DOCK3: variants seen among roughly 807,000 people sequenced by gnomAD.
The protein encoded by DOCK3 is dedicator of cytokinesis protein 3.
Under a neutral mutation model 265.6 loss-of-function variants are expected in DOCK3, and 60 were observed. That is an observed-to-expected ratio of 0.23 (90% CI 0.18 to 0.28). DOCK3 has a LOEUF of 0.28. Among genes scored for constraint, DOCK3 ranks in the 10% least tolerant of loss-of-function variants. DOCK3 has a pLI of 1.00. For missense variants in DOCK3, 1,981 were observed against 2,594.3 expected, an observed-to-expected ratio of 0.76 and a Z score of 5.14; for synonymous variants, 881 against 938.0, an observed-to-expected ratio of 0.94 and a Z score of 1.11.
At chr3:51,022,948 A>G (rs1035968816) in intron 5 of DOCK3, among the ~76,000 whole-genome samples, 1 of 152,024 alleles carries the variant, frequency 6.6e-6, no homozygotes, top group Non-Finnish European at 1.5e-5. Context: ...TACTTTCTCC[A>G]TTGTTTATTT....
intron 22 of DOCK3, among the ~76,000 whole-genome samples, chr3:51,253,461 C>G (rs1189201693): frequency 6.6e-6 from 1 of 152,150 alleles, no homozygotes; most frequent in Non-Finnish European, 1.5e-5. Flanking sequence ...CTTTATACCT[C>G]TGGTAGAATT....
chr3:51,178,773 A>C (rs1308134453), intron 12 of DOCK3, among the ~76,000 whole-genome samples: 1 of 152,262 alleles, frequency 6.6e-6, no homozygotes, highest in Non-Finnish European at 1.5e-5. Flanking sequence ...TAAAAAGCAA[A>C]GACAAAAGTA....
chr3:51,014,384 T>G (rs930049075), intron 5 of DOCK3, among the ~76,000 whole-genome samples: 2 of 152,074 alleles, frequency 1.3e-5, no homozygotes, highest in Admixed American at 1.3e-4. Context: ...CTCTCTTACA[T>G]TCTCCACCTC....
intron 2 of DOCK3, among the ~76,000 whole-genome samples, chr3:50,804,421 C>T (rs1018241325): frequency 5.3e-5 from 8 of 152,084 alleles, no homozygotes; most frequent in Non-Finnish European, 8.8e-5. Context: ...GAGCCGAGAT[C>T]ACGTCACTGC....
intron 9 of DOCK3, among the ~76,000 whole-genome samples, chr3:51,138,844 A>G (rs149495372): frequency 4.9e-4 from 74 of 152,356 alleles, no homozygotes; most frequent in African/African-American, 1.7e-3. Flanking sequence ...ATACTCATGT[A>G]TCTGTGAAGG....
At chr3:50,677,444 G>A (rs2034056053) in intron 1 of DOCK3, among the ~76,000 whole-genome samples, 1 of 152,098 alleles carries the variant, frequency 6.6e-6, no homozygotes, top group Non-Finnish European at 1.5e-5. Flanking sequence ...CGGCATTTTT[G>A]CTGCATCATT....
chr3:50,999,801 A>G (rs1350523524), intron 5 of DOCK3, among the ~76,000 whole-genome samples: 1 of 152,130 alleles, frequency 6.6e-6, no homozygotes, highest in African/African-American at 2.4e-5. Flanking sequence ...TTTTCAAACT[A>G]TTTTTGCAAA....
At chr3:51,358,131 C>G in intron 46 of DOCK3, 54 bp downstream of exon 46, 3 of 1,570,758 alleles carry the variant, frequency 1.9e-6, no homozygotes, top group East Asian at 2.2e-5. Flanking sequence ...GTCACTTCCT[C>G]CAGACCTACG....
At chr3:50,953,230 G>C (rs955666558) in intron 5 of DOCK3, among the ~76,000 whole-genome samples, 1 of 152,118 alleles carries the variant, frequency 6.6e-6, no homozygotes, top group Non-Finnish European at 1.5e-5. Context: ...TAAAAATTCA[G>C]ATTTCTTCCT....
intron 1 of DOCK3, among the ~76,000 whole-genome samples, chr3:50,763,879 G>A (rs763070637): frequency 5.3e-5 from 8 of 151,990 alleles, no homozygotes; most frequent in Non-Finnish European, 1.0e-4. Context: ...ATTGACTATG[G>A]ATATTGGTCT....
At chr3:50,767,081 T>C (rs1174029318) in intron 1 of DOCK3, among the ~76,000 whole-genome samples, 5 of 152,206 alleles carry the variant, frequency 3.3e-5, no homozygotes, top group Non-Finnish European at 7.3e-5. Context: ...CTGTTCGCTC[T>C]GATGGTAGTT....
intron 23 of DOCK3, among the ~76,000 whole-genome samples, chr3:51,260,550 A>G (rs2079795593): frequency 6.6e-6 from 1 of 152,214 alleles, no homozygotes; most frequent in Non-Finnish European, 1.5e-5. Context: ...TTTATGTTGG[A>G]GAAGAAGCAC....
chr3:51,244,780 G>A (rs1011262315), intron 21 of DOCK3, among the ~76,000 whole-genome samples: 5 of 152,222 alleles, frequency 3.3e-5, no homozygotes, highest in Non-Finnish European at 5.9e-5. Context: ...AATGCTTTCA[G>A]TCTTTTACCA....
At chr3:51,365,991 G>A (rs942052746) in intron 49 of DOCK3, among the ~76,000 whole-genome samples, 1 of 152,228 alleles carries the variant, frequency 6.6e-6, no homozygotes, top group African/African-American at 2.4e-5. Context: ...TCAGGATGAT[G>A]TTGGCCTCAT....
At chr3:51,256,588 T>G (rs2079559523) in intron 22 of DOCK3, among the ~76,000 whole-genome samples, 1 of 144,550 alleles carries the variant, frequency 6.9e-6, no homozygotes, top group Non-Finnish European at 1.5e-5. Context: ...TGAGTTTTCG[T>G]TTTTGTTTTT....
rs143228599 is a variant in DOCK3 at position 51,101,385 on chromosome 3, T to G, written c.746+11001T>G. 8.9e-3 allele frequency among the ~76,000 whole-genome samples: 1,342 copies of G among 151,622 alleles called. 25 individuals carry two copies. Among genetic ancestry groups the G allele is most frequent in the African/African-American group, 0.029 (1,197 of 41,330 alleles). On this transcript the variant is annotated intron_variant, in intron 9 of 52. Transcript: ENST00000266037. Reference sequence around the variant, plus strand: ...TCCACCTGCCTCGGCCTCCCAAAGTTCTGGGATTACAGGCGTGAGCCACCG... The same window carrying G: ...TCCACCTGCCTCGGCCTCCCAAAGTGCTGGGATTACAGGCGTGAGCCACCG...
chr3:51,334,776 C>A (rs2084754685), intron 35 of DOCK3, among the ~76,000 whole-genome samples: 1 of 152,192 alleles, frequency 6.6e-6, no homozygotes, highest in Non-Finnish European at 1.5e-5. Flanking sequence ...TTCACCGTGG[C>A]CTAACAAAGG....
chr3:51,150,251 C>T (rs1402916872), intron 10 of DOCK3, among the ~76,000 whole-genome samples: 5 of 151,820 alleles, frequency 3.3e-5, no homozygotes, highest in Non-Finnish European at 5.9e-5. Flanking sequence ...GTCTTGCTAG[C>T]GGTTTATCAA....
chr3:51,227,459 C>T lies in DOCK3; in HGVS notation c.1540+14C>T, dbSNP rs1022940686. The T allele has an allele frequency of 6.2e-7, 1 of 1,612,888 alleles. No individual in the cohort carries two copies. The highest frequency in any genetic ancestry group is 1.3e-5 in the African/African-American group (1 of 74,884). ...GACATTGTTCCAGTGAGTTAGACTTCCCCCCCTCCACATTCCCTTGAGAAT... is the reference window on the plus strand; with the variant it reads ...GACATTGTTCCAGTGAGTTAGACTTTCCCCCCTCCACATTCCCTTGAGAAT... On this transcript the variant is annotated intron_variant, in intron 16 of 52. Coordinates refer to ENST00000266037, the MANE Select transcript of DOCK3 (RefSeq NM_004947.5).
Sources: gnomAD v4.1 joint callset for allele counts (sites outside exome capture counted in the v4.1 genomes callset) on GRCh38, gnomAD v4.1.1 for gene constraint, MANE v1.5 for transcripts, NCBI Gene and HGNC (gene_info 2026-07-23, HGNC 2026-07-21) for gene names.